KLF12: variants seen among roughly 807,000 people sequenced by gnomAD.
KLF12 encodes Krueppel-like factor 12.
KLF12 carries 9 observed loss-of-function variants against 37.8 expected under a neutral mutation model. That is an observed-to-expected ratio of 0.24 (90% CI 0.14 to 0.42). KLF12 has a LOEUF of 0.42. Among genes scored for constraint, KLF12 ranks in the 10% least tolerant of loss-of-function variants. The probability of loss-of-function intolerance (pLI) is 1.00; values close to 1 mark genes in which losing one functional copy is unlikely to be tolerated. For missense variants in KLF12, 411 were observed against 516.0 expected (o/e 0.80, Z 1.97); for synonymous variants, 208 against 202.1 (o/e 1.03, Z -0.25).
At chr13:74,147,682 T>G in the KLF12 span, among the ~76,000 whole-genome samples, 1 of 152,136 alleles carries the variant, frequency 6.6e-6, no homozygotes, top group Non-Finnish European at 1.5e-5. Context: ...TTCCAATGCC[T>G]TGTCTCCTAT....
intron 3 of KLF12, among the ~76,000 whole-genome samples, chr13:73,912,761 C>T (rs531678989): frequency 1.3e-5 from 2 of 152,286 alleles, no homozygotes; most frequent in East Asian, 3.9e-4. Flanking sequence ...TATACATAGG[C>T]TAACTCACAC....
chr13:74,035,575 CCAAA>C (rs1286904394), intron 1 of KLF12, among the ~76,000 whole-genome samples: 2 of 152,040 alleles, frequency 1.3e-5, no homozygotes, highest in Non-Finnish European at 2.9e-5. Flanking sequence ...CTGAATGAAG[CCAAA>C]CAAAAAGCTG....
chr13:74,245,632 C>T, the KLF12 span, among the ~76,000 whole-genome samples: 1 of 152,108 alleles, frequency 6.6e-6, no homozygotes, highest in Non-Finnish European at 1.5e-5. Flanking sequence ...TTTATTTTCT[C>T]ATTTCTGGCT....
the KLF12 span, among the ~76,000 whole-genome samples, chr13:74,200,209 A>C: frequency 6.6e-6 from 1 of 151,894 alleles, no homozygotes; most frequent in African/African-American, 2.4e-5. Context: ...GTTTCCTGAG[A>C]AGGCCTAATT....
chr13:74,048,300 G>A (rs931002001), intron 1 of KLF12, among the ~76,000 whole-genome samples: 11 of 152,136 alleles, frequency 7.2e-5, no homozygotes, highest in Admixed American at 3.9e-4. Flanking sequence ...CTATTGTCAC[G>A]GAAGAAGAAA....
the KLF12 span, among the ~76,000 whole-genome samples, chr13:74,239,117 T>C: frequency 6.9e-6 from 1 of 145,020 alleles, no homozygotes; most frequent in Non-Finnish European, 1.5e-5. Flanking sequence ...TTTGAATGCG[T>C]CCCAGAGATT....
chr13:73,926,824 T>G (rs1009541095), intron 3 of KLF12, among the ~76,000 whole-genome samples: 1 of 152,016 alleles, frequency 6.6e-6, no homozygotes, highest in African/African-American at 2.4e-5. Flanking sequence ...TCAGTGCATA[T>G]CTGTAGAATT....
the KLF12 span, among the ~76,000 whole-genome samples, chr13:74,191,609 A>C: frequency 6.6e-6 from 1 of 152,138 alleles, no homozygotes; most frequent in South Asian, 2.1e-4. Context: ...ATTTTTCCTG[A>C]CATCTCCCTG....
chr13:74,256,652 G>A, the KLF12 span, among the ~76,000 whole-genome samples: 1 of 150,130 alleles, frequency 6.7e-6, no homozygotes, highest in Non-Finnish European at 1.5e-5. Context: ...ACAGCATTAA[G>A]CTTTTCTTTT....
rs1031313002 is a variant in KLF12 at position 73,688,221 on chromosome 13, A to G, written c.*7269T>C. 1 of 152,654 alleles carries G rather than the reference A, an allele frequency of 6.6e-6. No homozygotes were observed. Among genetic ancestry groups the G allele is most frequent in the African/African-American group, 2.4e-5 (1 of 41,474 alleles). The allele number at this position is 152,654 out of a possible 1,614,324, so 9.5% of individuals were successfully genotyped here. A position where few individuals can be genotyped will look rare whatever the true frequency, so the allele number is the denominator to read the frequency against. ...GACCTTGTTCTACACAGAAAGTGGG[A>G]GGAATTTCATTTCTCTGATGTTGGA... On this transcript the variant is annotated 3_prime_UTR_variant, in exon 8 of 8. Transcript: ENST00000377669.
intron 3 of KLF12, among the ~76,000 whole-genome samples, chr13:73,896,631 A>G (rs1887783320): frequency 6.6e-6 from 1 of 152,212 alleles, no homozygotes; most frequent in Non-Finnish European, 1.5e-5. Flanking sequence ...TTCTTCTTTG[A>G]AGCATTTTTA....
At chr13:73,967,342 C>T (rs781262442) in intron 2 of KLF12, among the ~76,000 whole-genome samples, 2 of 152,196 alleles carry the variant, frequency 1.3e-5, no homozygotes, top group African/African-American at 2.4e-5. Context: ...CTGGAATACA[C>T]GGTCACTAAA....
At chr13:73,986,456 C>T (rs1891830486) in intron 2 of KLF12, among the ~76,000 whole-genome samples, 1 of 152,182 alleles carries the variant, frequency 6.6e-6, no homozygotes. Flanking sequence ...AAATTCCCAA[C>T]CACATGTTTA....
At chr13:74,065,467 A>G (rs1381721631) in intron 1 of KLF12, among the ~76,000 whole-genome samples, 1 of 151,846 alleles carries the variant, frequency 6.6e-6, no homozygotes, top group Non-Finnish European at 1.5e-5. Flanking sequence ...AGAGTCCCCC[A>G]AAGAATTGAA....
the KLF12 span, among the ~76,000 whole-genome samples, chr13:74,174,846 C>A: frequency 6.6e-6 from 1 of 152,086 alleles, no homozygotes; most frequent in African/African-American, 2.4e-5. Flanking sequence ...AATAAGGAAC[C>A]AAATCTATTT....
intron 2 of KLF12, among the ~76,000 whole-genome samples, chr13:73,978,621 A>G (rs1371429448): frequency 6.6e-6 from 1 of 152,176 alleles, no homozygotes; most frequent in East Asian, 1.9e-4. Context: ...TTAACCTCCC[A>G]AAGTCCAGGT....
At chr13:73,745,246 ATT>A (rs1215059648) in intron 6 of KLF12, among the ~76,000 whole-genome samples, 28 of 152,320 alleles carry the variant, frequency 1.8e-4, no homozygotes, top group Admixed American at 1.6e-3. Context: ...ATGCACATAC[ATT>A]TAAAGCATAT....
the KLF12 span, among the ~76,000 whole-genome samples, chr13:74,254,297 G>C: frequency 9.2e-5 from 14 of 152,116 alleles, no homozygotes; most frequent in African/African-American, 3.4e-4. Context: ...AGTATGGATG[G>C]TAGGCTCTAG....
At chr13:73,915,006 A>G (rs2139176417) in intron 3 of KLF12, among the ~76,000 whole-genome samples, 1 of 152,274 alleles carries the variant, frequency 6.6e-6, no homozygotes, top group Non-Finnish European at 1.5e-5. Flanking sequence ...CTGAAGTCCA[A>G]AATAAGTCTT....
Sources: gnomAD v4.1 joint callset for allele counts (sites outside exome capture counted in the v4.1 genomes callset) on GRCh38, gnomAD v4.1.1 for gene constraint, MANE v1.5 for transcripts, NCBI Gene and HGNC (gene_info 2026-07-23, HGNC 2026-07-21) for gene names.